The following NKAIN2 variants were observed in gnomAD, a reference collection of about 807,000 sequenced individuals.
NKAIN2 encodes sodium/potassium transporting ATPase interacting 2, also known as sodium/potassium-transporting ATPase subunit beta-1-interacting protein 2.
A neutral mutation model predicts 32.6 loss-of-function variants in NKAIN2; 14 were observed. The observed-to-expected ratio is 0.43, with a 90% CI of 0.28 to 0.67. The LOEUF (loss-of-function observed/expected upper bound fraction) is 0.67, where lower values mean the gene tolerates loss of function less well. Among genes scored for constraint, NKAIN2 ranks in the 30% least tolerant of loss-of-function variants. The pLI is 0.17. For synonymous variants in NKAIN2, 80 were observed against 87.2 expected, an observed-to-expected ratio of 0.92 and a Z score of 0.46; for missense variants, 198 against 258.3, an observed-to-expected ratio of 0.77 and a Z score of 1.60.
At chr6:124,116,092 A>G (rs940823135) in intron 1 of NKAIN2, among the ~76,000 whole-genome samples, 22 of 152,110 alleles carry the variant, frequency 1.4e-4, no homozygotes, top group African/African-American at 5.3e-4. Context: ...CTTAGAGATC[A>G]GTAACAAAAT....
intron 1 of NKAIN2, among the ~76,000 whole-genome samples, chr6:124,134,255 A>G (rs1786620227): frequency 6.6e-6 from 1 of 152,190 alleles, no homozygotes; most frequent in African/African-American, 2.4e-5. Context: ...AATGCAGTGA[A>G]AAGATTCAAC....
intron 4 of NKAIN2, among the ~76,000 whole-genome samples, chr6:124,740,895 T>G (rs974286900): frequency 3.3e-5 from 5 of 151,934 alleles, no homozygotes; most frequent in African/African-American, 1.2e-4. Context: ...AAGAACTGAC[T>G]GTAGGAAGTC....
intron 1 of NKAIN2, among the ~76,000 whole-genome samples, chr6:124,221,782 G>A (rs1383449840): frequency 6.6e-6 from 1 of 151,962 alleles, no homozygotes; most frequent in Non-Finnish European, 1.5e-5. Context: ...CATGCATGAG[G>A]AAGAATTTGT....
chr6:124,757,314 A>G (rs1231103909), intron 4 of NKAIN2, among the ~76,000 whole-genome samples: 2 of 151,976 alleles, frequency 1.3e-5, no homozygotes, highest in Non-Finnish European at 2.9e-5. Flanking sequence ...GACAGGCATC[A>G]TTTGCCTTGC....
intron 2 of NKAIN2, among the ~76,000 whole-genome samples, chr6:124,335,780 T>A (rs1797836110): frequency 6.6e-6 from 1 of 152,208 alleles, no homozygotes; most frequent in Admixed American, 6.5e-5. Flanking sequence ...AGATGTATGA[T>A]ATTTCCAATG....
chr6:124,177,710 G>A (rs979271617), intron 1 of NKAIN2, among the ~76,000 whole-genome samples: 5 of 152,006 alleles, frequency 3.3e-5, no homozygotes, highest in African/African-American at 1.2e-4. Flanking sequence ...TCATAAAGGA[G>A]GAAGCTCTCA....
chr6:124,316,647 A>G (rs1404285965), intron 2 of NKAIN2, among the ~76,000 whole-genome samples: 3 of 152,266 alleles, frequency 2.0e-5, no homozygotes, highest in East Asian at 1.9e-4. Context: ...AGTTAAGAAA[A>G]GGGAAAGCTA....
chr6:123,874,758 C>A (rs1224629174), intron 1 of NKAIN2, among the ~76,000 whole-genome samples: 1 of 151,912 alleles, frequency 6.6e-6, no homozygotes, highest in African/African-American at 2.4e-5. Context: ...AAAAATATGT[C>A]TATTGTAGAA....
intron 3 of NKAIN2, among the ~76,000 whole-genome samples, chr6:124,646,109 T>G (rs769629707): frequency 6.6e-6 from 1 of 152,174 alleles, no homozygotes; most frequent in Non-Finnish European, 1.5e-5. Context: ...ATAATTGTTT[T>G]TAATATTTAC....
At chr6:124,163,596 A>G (rs557071799) in intron 1 of NKAIN2, among the ~76,000 whole-genome samples, 1 of 152,160 alleles carries the variant, frequency 6.6e-6, no homozygotes, top group African/African-American at 2.4e-5. Flanking sequence ...TGGCTTGCAA[A>G]AGTCTCTGAT....
chr6:124,391,167 G>T (rs990583642), intron 3 of NKAIN2: 1 of 152,076 alleles, frequency 6.6e-6, no homozygotes, highest in Non-Finnish European at 1.5e-5. Flanking sequence ...AGGATAAAAT[G>T]ATCCAAACAT....
At chr6:124,548,310 C>A (rs538268698) in intron 3 of NKAIN2, among the ~76,000 whole-genome samples, 1 of 152,184 alleles carries the variant, frequency 6.6e-6, no homozygotes, top group East Asian at 1.9e-4. Flanking sequence ...GAAAATGTTT[C>A]TTTGAATTTT....
chr6:124,289,668 G>C (rs1035979746), intron 2 of NKAIN2, among the ~76,000 whole-genome samples: 1 of 152,056 alleles, frequency 6.6e-6, no homozygotes, highest in African/African-American at 2.4e-5. Flanking sequence ...ATGGAGCTCA[G>C]GTCTCCATAG....
At chr6:124,740,730 T>A (rs1777167691) in intron 4 of NKAIN2, among the ~76,000 whole-genome samples, 1 of 151,740 alleles carries the variant, frequency 6.6e-6, no homozygotes, top group East Asian at 2.0e-4. Context: ...AGACAGCTAG[T>A]GTGTGTGAAG....
intron 1 of NKAIN2, among the ~76,000 whole-genome samples, chr6:123,842,189 A>G (rs187221392): frequency 1.3e-5 from 2 of 152,306 alleles, no homozygotes; most frequent in Admixed American, 6.5e-5. Context: ...TGTGGCACGT[A>G]TTAGTCTGCT....
chr6:124,175,856 C>A (rs915376323), intron 1 of NKAIN2, among the ~76,000 whole-genome samples: 1 of 152,272 alleles, frequency 6.6e-6, no homozygotes, highest in Admixed American at 6.5e-5. Flanking sequence ...ATGTACATCT[C>A]TCTCTTGCCC....
intron 1 of NKAIN2, among the ~76,000 whole-genome samples, chr6:124,228,891 C>T (rs985297048): frequency 2.6e-5 from 4 of 152,058 alleles, no homozygotes; most frequent in African/African-American, 4.8e-5. Context: ...AACATAGTGC[C>T]TATGTTTTAA....
intron 1 of NKAIN2, among the ~76,000 whole-genome samples, chr6:124,010,916 A>G (rs1780294220): frequency 2.0e-5 from 3 of 152,172 alleles, no homozygotes; most frequent in South Asian, 2.1e-4. Context: ...GCAATGATCA[A>G]TACAATTTTT....
intron 4 of NKAIN2, among the ~76,000 whole-genome samples, chr6:124,753,059 C>T (rs893841984): frequency 5.3e-5 from 8 of 152,060 alleles, no homozygotes; most frequent in East Asian, 3.9e-4. Flanking sequence ...AGGTTCTTTA[C>T]GGTAAGTCAC....
Sources: gnomAD v4.1 joint callset for allele counts (sites outside exome capture counted in the v4.1 genomes callset) on GRCh38, gnomAD v4.1.1 for gene constraint, MANE v1.5 for transcripts, NCBI Gene and HGNC (gene_info 2026-07-23, HGNC 2026-07-21) for gene names.